The following MBNL1 variants were observed in gnomAD, a reference collection of about 807,000 sequenced individuals.
The protein encoded by MBNL1 is muscleblind-like protein 1.
MBNL1 carries 8 observed loss-of-function variants against 42.2 expected under a neutral mutation model. The ratio of observed to expected loss-of-function variants is 0.19; its 90% CI spans 0.11 to 0.34. MBNL1 has a LOEUF of 0.34. Among genes scored for constraint, MBNL1 ranks in the 10% least tolerant of loss-of-function variants. The pLI is 1.00. For synonymous variants in MBNL1, 169 were observed against 173.9 expected (o/e 0.97, Z 0.22); for missense variants, 309 against 495.3 (o/e 0.62, Z 3.57).
intron 2 of MBNL1, among the ~76,000 whole-genome samples, chr3:152,370,706 G>C (rs2096620898): frequency 6.6e-6 from 1 of 152,092 alleles, no homozygotes; most frequent in African/African-American, 2.4e-5. Context: ...ATATATTTAG[G>C]GTAGTTAGCT....
chr3:152,314,015 A>T (rs896367117), intron 2 of MBNL1, among the ~76,000 whole-genome samples: 2 of 152,254 alleles, frequency 1.3e-5, no homozygotes, highest in African/African-American at 4.8e-5. Context: ...CTGGTCTACA[A>T]TAAATAATTC....
chr3:152,252,227 CCTT>C lies in MBNL1; in HGVS notation n.333+7791_333+7793del, dbSNP rs1351587216. On this transcript the variant is annotated intron_variant and non_coding_transcript_variant, in intron 2 of 2. Coordinates refer to the MBNL1 transcript ENST00000477171. ...TCCTTCCTTCCCTCCTTCCTTCCTT[CCTT>C]CTTTTCTCCCTCCTTCCCTTCCTCC... Among the ~76,000 whole-genome samples the C allele has an allele frequency of 9.5e-5, 14 of 148,046 alleles. No homozygotes were observed. In the South Asian group the frequency reaches 3.1e-3, roughly 32 times the overall value.
At chr3:152,356,086 C>T (rs998930802) in intron 2 of MBNL1, among the ~76,000 whole-genome samples, 2 of 152,208 alleles carry the variant, frequency 1.3e-5, no homozygotes, top group Non-Finnish European at 1.5e-5. Flanking sequence ...ATTCCAGAAT[C>T]GTGTGAAATT....
intron 2 of MBNL1, among the ~76,000 whole-genome samples, chr3:152,397,245 A>C (rs1055646234): frequency 6.6e-6 from 1 of 152,186 alleles, no homozygotes; most frequent in Non-Finnish European, 1.5e-5. Context: ...TCTGGGATAC[A>C]TGTGCAGAAT....
rs373863255 is a variant in MBNL1 at position 152,445,555 on chromosome 3, A to C, written c.807+16A>C. Reference sequence around the variant, plus strand: ...AGCTGCCATGGTGAGTAGAGATATCAGCTCTCTCCTTGTTAGCAGTCAGAA... The same window carrying C: ...AGCTGCCATGGTGAGTAGAGATATCCGCTCTCTCCTTGTTAGCAGTCAGAA... On this transcript the variant is annotated intron_variant, in intron 5 of 9. Transcript: ENST00000324210. 5 of 1,596,654 alleles carry C rather than the reference A, an allele frequency of 3.1e-6. No individual in the cohort carries two copies. In the African/African-American group the frequency reaches 5.4e-5, roughly 17 times the overall value.
chr3:152,403,935 G>C (rs2098339187), intron 2 of MBNL1, among the ~76,000 whole-genome samples: 2 of 152,278 alleles, frequency 1.3e-5, no homozygotes, highest in Middle Eastern at 3.4e-3. Flanking sequence ...CAGTGTCATT[G>C]AGCACATTTT....
intron 2 of MBNL1, among the ~76,000 whole-genome samples, chr3:152,351,271 T>C (rs1445102850): frequency 6.6e-6 from 1 of 152,214 alleles, no homozygotes; most frequent in Non-Finnish European, 1.5e-5. Context: ...CCATGGTTTA[T>C]ACCACTATGT....
chr3:152,254,667 T>C (rs1322718204), intron 2 of MBNL1, among the ~76,000 whole-genome samples: 1 of 152,140 alleles, frequency 6.6e-6, no homozygotes, highest in African/African-American at 2.4e-5. Flanking sequence ...TTATATGTAT[T>C]AACATATAAC....
At chr3:152,412,145 T>C (rs575893101) in intron 2 of MBNL1, among the ~76,000 whole-genome samples, 2 of 152,356 alleles carry the variant, frequency 1.3e-5, no homozygotes, top group African/African-American at 4.8e-5. Flanking sequence ...AGGATGTATA[T>C]TCTAACTTAT....
intron 2 of MBNL1, among the ~76,000 whole-genome samples, chr3:152,350,808 CT>C (rs552703569): frequency 6.6e-6 from 1 of 152,014 alleles, no homozygotes; most frequent in African/African-American, 2.4e-5. Flanking sequence ...TTTCTTTACT[CT>C]TTTTAAAAAT....
At chr3:152,325,917 T>C (rs1177228920) in intron 2 of MBNL1, among the ~76,000 whole-genome samples, 1 of 152,080 alleles carries the variant, frequency 6.6e-6, no homozygotes, top group African/African-American at 2.4e-5. Context: ...TATCTATCAG[T>C]CAGCATTTTG....
intron 2 of MBNL1, among the ~76,000 whole-genome samples, chr3:152,361,258 T>G (rs1378843504): frequency 1.3e-5 from 2 of 151,836 alleles, no homozygotes; most frequent in Non-Finnish European, 2.9e-5. Flanking sequence ...TCATCTCACA[T>G]GAGAGACAGA....
At chr3:152,268,363 G>C (rs1349404928), upstream of MBNL1, 1 of 182,710 alleles carries the variant, frequency 5.5e-6, no homozygotes, top group Non-Finnish European at 1.2e-5. Context: ...TGTTTTTCCC[G>C]CCTGTTAGCC....
chr3:152,394,738 A>G (rs757061269), intron 2 of MBNL1, among the ~76,000 whole-genome samples: 17 of 152,246 alleles, frequency 1.1e-4, no homozygotes, highest in Non-Finnish European at 1.9e-4. Context: ...CAGAAAATAA[A>G]CAGGGACAGG....
chr3:152,460,581 A>G (rs577402840), intron 9 of MBNL1, among the ~76,000 whole-genome samples: 68 of 150,904 alleles, frequency 4.5e-4, no homozygotes, highest in Non-Finnish European at 8.0e-4. Context: ...AACCTGCACA[A>G]TGTGCACATG....
At chr3:152,317,151 A>ATCT (rs1301280891) in intron 2 of MBNL1, among the ~76,000 whole-genome samples, 1 of 152,096 alleles carries the variant, frequency 6.6e-6, no homozygotes, top group African/African-American at 2.4e-5. Flanking sequence ...TTTTCTACAG[A>ATCT]TCTTCCATTC....
At chr3:152,263,777 A>G (rs1576820582), upstream of MBNL1, 3 of 152,252 alleles carry the variant, frequency 2.0e-5, no homozygotes, top group African/African-American at 7.2e-5. Context: ...AAACACTTCA[A>G]TGGTTCCCAG....
At chr3:152,314,253 A>T (rs1361098836) in intron 2 of MBNL1, among the ~76,000 whole-genome samples, 2 of 151,740 alleles carry the variant, frequency 1.3e-5, no homozygotes, top group African/African-American at 4.8e-5. Context: ...AAATGTGTAA[A>T]GAAGCATCCA....
intron 2 of MBNL1, chr3:152,340,843 A>G (rs200707184): frequency 1.2e-6 from 2 of 1,613,924 alleles, no homozygotes; most frequent in South Asian, 1.1e-5. Flanking sequence ...TAAAGCAGCC[A>G]GTGCTGCATA....
Sources: gnomAD v4.1 joint callset for allele counts (sites outside exome capture counted in the v4.1 genomes callset) on GRCh38, gnomAD v4.1.1 for gene constraint, MANE v1.5 for transcripts, NCBI Gene and HGNC (gene_info 2026-07-23, HGNC 2026-07-21) for gene names.